Variants in GALNT13 observed in about 807,000 individuals in gnomAD.
GALNT13 encodes the protein UDP-GalNAc:polypeptide N-acetylgalactosaminyltransferase 13.
GALNT13 carries 28 observed loss-of-function variants against 64.2 expected under a neutral mutation model. That is an observed-to-expected ratio of 0.44 (90% CI 0.32 to 0.60). GALNT13 has a LOEUF of 0.60. GALNT13 is among the 20% of genes least tolerant of loss of function. The probability of loss-of-function intolerance (pLI) is 0.05; values close to 1 mark genes in which losing one functional copy is unlikely to be tolerated. For synonymous variants in GALNT13, 214 were observed against 224.6 expected, an observed-to-expected ratio of 0.95 and a Z score of 0.42; for missense variants, 577 against 669.8, an observed-to-expected ratio of 0.86 and a Z score of 1.53.
chr2:154,050,339 G>A (rs1044465717), intron 3 of GALNT13, among the ~76,000 whole-genome samples: 1 of 152,158 alleles, frequency 6.6e-6, no homozygotes, highest in African/African-American at 2.4e-5. Flanking sequence ...AAGTGGAAAT[G>A]GTACTTTGTC....
chr2:154,319,153 A>G (rs1282179104), intron 9 of GALNT13, among the ~76,000 whole-genome samples: 1 of 152,208 alleles, frequency 6.6e-6, no homozygotes, highest in African/African-American at 2.4e-5. Context: ...ATCTGTGTAA[A>G]GTATGGGGAA....
chr2:153,785,736 C>A, the GALNT13 span, among the ~76,000 whole-genome samples: 8 of 152,038 alleles, frequency 5.3e-5, no homozygotes, highest in Admixed American at 3.3e-4. Flanking sequence ...CAGCCACACC[C>A]TCTAGGGCTA....
chr2:153,807,928 T>C, the GALNT13 span, among the ~76,000 whole-genome samples: 1 of 152,136 alleles, frequency 6.6e-6, no homozygotes, highest in African/African-American at 2.4e-5. Context: ...TTCTTAGTGG[T>C]AATTTTCATA....
At chr2:153,754,479 A>T in the GALNT13 span, among the ~76,000 whole-genome samples, 1 of 152,100 alleles carries the variant, frequency 6.6e-6, no homozygotes, top group Non-Finnish European at 1.5e-5. Context: ...GAAAAGTTGC[A>T]CAGGAACTAG....
At chr2:154,356,040 T>G (rs2105271041) in intron 9 of GALNT13, among the ~76,000 whole-genome samples, 1 of 152,150 alleles carries the variant, frequency 6.6e-6, no homozygotes, top group East Asian at 1.9e-4. Context: ...TTAATTTAGG[T>G]CTGATATTGC....
At chr2:153,316,398 T>C in the GALNT13 span, among the ~76,000 whole-genome samples, 5,336 of 151,996 alleles carry the variant, frequency 0.035, 325 homozygotes, top group African/African-American at 0.12. Flanking sequence ...ATCCCAGCAC[T>C]TTGGGAGGCC....
At chr2:153,868,699 T>C (rs1197403787), upstream of GALNT13, among the ~76,000 whole-genome samples, 1 of 152,218 alleles carries the variant, frequency 6.6e-6, no homozygotes, top group Non-Finnish European at 1.5e-5. Flanking sequence ...GTCTTTTGTA[T>C]ACTCTGTAGC....
chr2:153,222,439 C>T, the GALNT13 span, among the ~76,000 whole-genome samples: 4 of 62,086 alleles, frequency 6.4e-5, no homozygotes, highest in African/African-American at 1.9e-4. Context: ...TTCTCACTCC[C>T]GGCAGCCTCA....
chr2:153,830,113 C>G, the GALNT13 span, among the ~76,000 whole-genome samples: 1 of 152,112 alleles, frequency 6.6e-6, no homozygotes, highest in South Asian at 2.1e-4. Flanking sequence ...ATTACCTAGA[C>G]TCATACCAGA....
the GALNT13 span, chr2:153,173,466 C>G: frequency 6.6e-6 from 1 of 152,222 alleles, no homozygotes; most frequent in South Asian, 2.1e-4. Flanking sequence ...CTGCATCAAT[C>G]TAATCCCTGC....
At chr2:153,403,476 GCTTTGTTTAC>G in the GALNT13 span, among the ~76,000 whole-genome samples, 4 of 152,186 alleles carry the variant, frequency 2.6e-5, no homozygotes, top group East Asian at 7.7e-4. Context: ...CTTCCTGGCT[GCTTTGTTTAC>G]CTAATCAAGC....
At chr2:154,341,338 G>T (rs1695762409) in intron 9 of GALNT13, among the ~76,000 whole-genome samples, 1 of 152,004 alleles carries the variant, frequency 6.6e-6, no homozygotes, top group South Asian at 2.1e-4. Context: ...CATTCTAGTG[G>T]CAATGATTTA....
At chr2:153,885,815 A>G (rs1574044589) in intron 1 of GALNT13, among the ~76,000 whole-genome samples, 1 of 152,108 alleles carries the variant, frequency 6.6e-6, no homozygotes. Context: ...TAGCTGATCA[A>G]AATAATTGCT....
chr2:154,212,452 C>G (rs1303000288), intron 4 of GALNT13, among the ~76,000 whole-genome samples: 1 of 152,122 alleles, frequency 6.6e-6, no homozygotes, highest in Non-Finnish European at 1.5e-5. Flanking sequence ...CCGTATTTGT[C>G]AGGCTGGTCT....
At chr2:153,589,586 T>A in the GALNT13 span, among the ~76,000 whole-genome samples, 1 of 152,176 alleles carries the variant, frequency 6.6e-6, no homozygotes, top group East Asian at 1.9e-4. Flanking sequence ...CTGGGCAATT[T>A]ACAAAAGAAA....
the GALNT13 span, among the ~76,000 whole-genome samples, chr2:153,517,663 A>G: frequency 6.6e-6 from 1 of 152,194 alleles, no homozygotes; most frequent in African/African-American, 2.4e-5. Flanking sequence ...GGAGCTACAG[A>G]TAGCTCTTCC....
intron 11 of GALNT13, among the ~76,000 whole-genome samples, chr2:154,425,726 A>C (rs1303312805): frequency 2.0e-5 from 3 of 152,216 alleles, no homozygotes; most frequent in Admixed American, 2.0e-4. Context: ...TACAGAAATG[A>C]TAACACTCGG....
chr2:153,720,152 C>T, the GALNT13 span, among the ~76,000 whole-genome samples: 1 of 145,536 alleles, frequency 6.9e-6, no homozygotes, highest in Non-Finnish European at 1.5e-5. Context: ...GGTCCCTGAC[C>T]CCTGACCCCC....
In GALNT13 at chr2:154,037,199, T is replaced by G. The variant is rs1211445506; in HGVS notation, c.142+92560T>G. 2.0e-5 allele frequency among the ~76,000 whole-genome samples: 3 copies of G among 152,068 alleles called. No homozygotes were observed. The East Asian group carries it at 5.8e-4, about 29-fold the overall frequency. On this transcript the variant is annotated intron_variant, in intron 3 of 12. Coordinates refer to ENST00000392825, the MANE Select transcript of GALNT13 (RefSeq NM_052917.4). ...CTTGTGGAGTGTATGCAATAGAAAATCACCCAACTTAAGAGTCAGAAAACA... is the reference window on the plus strand; with the variant it reads ...CTTGTGGAGTGTATGCAATAGAAAAGCACCCAACTTAAGAGTCAGAAAACA...
Sources: allele counts gnomAD v4.1 joint callset (sites outside exome capture counted in the v4.1 genomes callset), GRCh38; gene constraint gnomAD v4.1.1; transcripts MANE v1.5; gene names NCBI Gene and HGNC (gene_info 2026-07-23, HGNC 2026-07-21).